The following GRID1 variants were observed in gnomAD, a reference collection of about 807,000 sequenced individuals.
GRID1 encodes the protein glutamate ionotropic receptor delta type subunit 1.
Under a neutral mutation model 98.0 loss-of-function variants are expected in GRID1, and 28 were observed. The observed-to-expected ratio is 0.29, with a 90% CI of 0.21 to 0.39. GRID1 has a LOEUF of 0.39. Among genes scored for constraint, GRID1 ranks in the 10% least tolerant of loss-of-function variants. The probability of loss-of-function intolerance (pLI) is 1.00; values close to 1 mark genes in which losing one functional copy is unlikely to be tolerated. For synonymous variants in GRID1, 553 were observed against 538.5 expected (o/e 1.03, Z -0.37); for missense variants, 1,111 against 1,340.5 (o/e 0.83, Z 2.67).
chr10:86,088,275 G>A (rs1409572231), intron 4 of GRID1, among the ~76,000 whole-genome samples: 2 of 152,058 alleles, frequency 1.3e-5, no homozygotes, highest in African/African-American at 4.8e-5. Flanking sequence ...GGGATAAAAG[G>A]TAAATAAGAA....
At chr10:86,132,710 G>C (rs1334984203) in intron 4 of GRID1, among the ~76,000 whole-genome samples, 4 of 152,208 alleles carry the variant, frequency 2.6e-5, no homozygotes, top group Non-Finnish European at 5.9e-5. Flanking sequence ...ATTTACCTTT[G>C]CTATAAATGT....
At chr10:85,836,157 A>G (rs1006308116) in intron 8 of GRID1, among the ~76,000 whole-genome samples, 5 of 152,176 alleles carry the variant, frequency 3.3e-5, no homozygotes, top group South Asian at 2.1e-4. Flanking sequence ...AGCAAGCAGA[A>G]ATAAAAGATG....
At chr10:85,800,980 G>T (rs1393613730) in intron 8 of GRID1, among the ~76,000 whole-genome samples, 1 of 151,662 alleles carries the variant, frequency 6.6e-6, no homozygotes, top group Non-Finnish European at 1.5e-5. Flanking sequence ...TATTTAAAAA[G>T]AATAATAAAA....
At chr10:86,086,742 GCA>G (rs1210274365) in intron 4 of GRID1, among the ~76,000 whole-genome samples, 1 of 152,152 alleles carries the variant, frequency 6.6e-6, no homozygotes, top group African/African-American at 2.4e-5. Context: ...GTGCATATGT[GCA>G]CAGATATATG....
chr10:85,933,832 T>A (rs575150119), intron 4 of GRID1, among the ~76,000 whole-genome samples: 1 of 152,306 alleles, frequency 6.6e-6, no homozygotes, highest in South Asian at 2.1e-4. Flanking sequence ...TGACATTATA[T>A]CAACAGGATG....
chr10:85,798,707 T>C (rs976453113), intron 8 of GRID1, among the ~76,000 whole-genome samples: 1 of 152,180 alleles, frequency 6.6e-6, no homozygotes, highest in East Asian at 1.9e-4. Context: ...AATCAGATTT[T>C]TTTTTGTTAT....
intron 4 of GRID1, among the ~76,000 whole-genome samples, chr10:86,016,581 A>G (rs898668935): frequency 3.3e-5 from 5 of 152,226 alleles, no homozygotes; most frequent in African/African-American, 1.2e-4. Flanking sequence ...GCAGCCGAGA[A>G]CAGCGTCTAG....
At chr10:85,827,396 A>G (rs970071619) in intron 8 of GRID1, among the ~76,000 whole-genome samples, 4 of 152,168 alleles carry the variant, frequency 2.6e-5, no homozygotes, top group Non-Finnish European at 5.9e-5. Flanking sequence ...CGAAAAAAAA[A>G]CAATTCTCTT....
At chr10:85,952,897 G>A (rs1842142995) in intron 4 of GRID1, among the ~76,000 whole-genome samples, 1 of 152,028 alleles carries the variant, frequency 6.6e-6, no homozygotes, top group African/African-American at 2.4e-5. Context: ...CTCTTCCTCA[G>A]CTACTCAATG....
At chr10:86,363,260 G>T (rs544349347) in intron 2 of GRID1, among the ~76,000 whole-genome samples, 1 of 152,374 alleles carries the variant, frequency 6.6e-6, no homozygotes, top group South Asian at 2.1e-4. Flanking sequence ...CGTAGGCCAG[G>T]ATTTCCCCGC....
In GRID1 at chr10:85,601,613, G is replaced by A. The variant is rs1410276211; in HGVS notation, c.*660C>T. On this transcript the variant is annotated 3_prime_UTR_variant, in exon 16 of 16. Transcript: ENST00000327946. ...TTGTCAGCTTCTCTCGGGCCCATGG[G>A]GCAGAGGCACACTGCAACACACACA... The A allele has an allele frequency of 6.6e-6, 1 of 152,252 alleles. No individual in the cohort carries two copies. Among genetic ancestry groups the A allele is most frequent in the Non-Finnish European group, 1.5e-5 (1 of 68,174 alleles). The allele number at this position is 152,252 out of a possible 1,614,324, so 9.4% of individuals were successfully genotyped here.
intron 4 of GRID1, among the ~76,000 whole-genome samples, chr10:85,973,914 T>C (rs1295849508): frequency 1.3e-5 from 2 of 152,202 alleles, no homozygotes; most frequent in African/African-American, 2.4e-5. Flanking sequence ...ATATTAGTCA[T>C]GCTGCTAAGT....
At chr10:86,254,782 A>G (rs528406788) in intron 2 of GRID1, among the ~76,000 whole-genome samples, 5 of 152,328 alleles carry the variant, frequency 3.3e-5, no homozygotes, top group Admixed American at 6.5e-5. Context: ...TCCCCACTGG[A>G]CCACAGAAAT....
intron 4 of GRID1, among the ~76,000 whole-genome samples, chr10:86,013,554 G>T (rs776932857): frequency 9.2e-5 from 14 of 152,206 alleles, no homozygotes; most frequent in Non-Finnish European, 1.6e-4. Flanking sequence ...TGACCTGTCA[G>T]TATGTTTTTC....
chr10:86,320,076 G>C (rs1457935855), intron 2 of GRID1, among the ~76,000 whole-genome samples: 1 of 152,256 alleles, frequency 6.6e-6, no homozygotes, highest in Non-Finnish European at 1.5e-5. Context: ...AGAGGTGGGA[G>C]AAATAGAGCC....
intron 8 of GRID1, among the ~76,000 whole-genome samples, chr10:85,838,153 G>A (rs1338010574): frequency 6.6e-6 from 1 of 152,108 alleles, no homozygotes; most frequent in African/African-American, 2.4e-5. Flanking sequence ...CAAGAAATAT[G>A]GGATTATGTA....
intron 4 of GRID1, among the ~76,000 whole-genome samples, chr10:86,079,473 C>T (rs540408260): frequency 6.6e-6 from 1 of 152,232 alleles, no homozygotes; most frequent in South Asian, 2.1e-4. Flanking sequence ...GGGGCTTGGG[C>T]ACTGGGTTGG....
intron 2 of GRID1, among the ~76,000 whole-genome samples, chr10:86,303,527 CTATCTAAG>C (rs747576592): frequency 2.6e-5 from 4 of 152,172 alleles, no homozygotes; most frequent in African/African-American, 4.8e-5. Context: ...CGAGCACTCA[CTATCTAAG>C]AGGCATGACA....
chr10:86,328,868 C>A (rs1383263094), intron 2 of GRID1, among the ~76,000 whole-genome samples: 1 of 151,922 alleles, frequency 6.6e-6, no homozygotes, highest in East Asian at 1.9e-4. Context: ...AGCTCTAAGG[C>A]CCTCCCAGGA....
Sources: allele counts gnomAD v4.1 joint callset (sites outside exome capture counted in the v4.1 genomes callset), GRCh38; gene constraint gnomAD v4.1.1; transcripts MANE v1.5; gene names NCBI Gene and HGNC (gene_info 2026-07-23, HGNC 2026-07-21).